Variants in STAT5B observed in about 807,000 individuals in gnomAD.
STAT5B encodes signal transducer and activator of transcription 5B.
Under a neutral mutation model 107.8 loss-of-function variants are expected in STAT5B, and 21 were observed. The ratio of observed to expected loss-of-function variants is 0.19; its 90% CI spans 0.14 to 0.28. STAT5B has a LOEUF of 0.28. Ranked by LOEUF, STAT5B falls within the 10% of genes least tolerant of loss-of-function variation. The pLI, the probability that STAT5B is intolerant of heterozygous loss-of-function variation, is 1.00. For missense variants in STAT5B, 565 were observed against 1,008.2 expected, an observed-to-expected ratio of 0.56 and a Z score of 5.95; for synonymous variants, 325 against 401.7, an observed-to-expected ratio of 0.81 and a Z score of 2.28.
At chr17:42,247,952 TA>T (rs199671071) in intron 1 of STAT5B, among the ~76,000 whole-genome samples, 38,658 of 140,774 alleles carry the variant, frequency 0.27, 5,143 homozygotes, top group South Asian at 0.43. Context: ...ACTCATTCTC[TA>T]AAAAAAAAAA....
At chr17:42,265,377 C>CTTCTTTTTTTTTTTTTTTTTTTTTTT (rs2080659931) in intron 1 of STAT5B, among the ~76,000 whole-genome samples, 6 of 110,592 alleles carry the variant, frequency 5.4e-5, no homozygotes, top group Non-Finnish European at 1.9e-5. Context: ...ATGTACTCTT[C>CTTCTTTTTTTTTTTTTTTTTTTTTTT]TTTTTTTTTT....
intron 1 of STAT5B, among the ~76,000 whole-genome samples, chr17:42,243,654 A>G (rs139900878): frequency 7.2e-4 from 110 of 152,302 alleles, no homozygotes; most frequent in African/African-American, 2.5e-3. Context: ...TCATTGTTCT[A>G]TTCTTTCCAC....
chr17:42,217,358 C>G lies in STAT5B; in HGVS notation c.1257+19G>C, dbSNP rs776666450. The G allele has an allele frequency of 8.1e-6, 13 of 1,614,064 alleles. 1 individual carries two copies. On this transcript the variant is annotated intron_variant, in intron 10 of 18. Transcript: ENST00000293328. ...AAAGACCAGGGAAAAATTCATTCTT[C>G]CTCTTCTTCCACCCTCACCATATTC...
intron 1 of STAT5B, among the ~76,000 whole-genome samples, chr17:42,243,614 G>A (rs2080424057): frequency 6.6e-6 from 1 of 152,088 alleles, no homozygotes; most frequent in Non-Finnish European, 1.5e-5. Flanking sequence ...GTGAACACTG[G>A]CTCAACCTAG....
chr17:42,270,147 TG>T (rs936896535), intron 1 of STAT5B, among the ~76,000 whole-genome samples: 3 of 152,202 alleles, frequency 2.0e-5, no homozygotes, highest in African/African-American at 7.2e-5. Flanking sequence ...AGACGGAGGT[TG>T]CAGTGAGCCA....
intron 1 of STAT5B, among the ~76,000 whole-genome samples, chr17:42,238,040 C>T (rs895662877): frequency 1.3e-5 from 2 of 152,146 alleles, no homozygotes; most frequent in African/African-American, 4.8e-5. Flanking sequence ...CAATCCTCCA[C>T]AAATAGCTCT....
At chr17:42,288,276 C>G in the STAT5B span, 1 of 152,130 alleles carries the variant, frequency 6.6e-6, no homozygotes, top group Admixed American at 6.5e-5. The surrounding 1 kb of genome is among the most constrained non-coding windows in gnomAD (Gnocchi z 4.8). Context: ...TGCTGGGACT[C>G]CCGGGGGACC....
upstream of STAT5B, among the ~76,000 whole-genome samples, chr17:42,281,145 A>C (rs2080794099): frequency 6.6e-6 from 1 of 151,820 alleles, no homozygotes; most frequent in Non-Finnish European, 1.5e-5. Context: ...AAAAAAAAAA[A>C]CAAAAACAAA....
chr17:42,229,857 T>A (rs1289753099), intron 2 of STAT5B, among the ~76,000 whole-genome samples: 2 of 150,634 alleles, frequency 1.3e-5, no homozygotes, highest in African/African-American at 4.9e-5. Context: ...AGAGCGAGAC[T>A]CCATCTCAAA....
At chr17:42,203,986 A>C (rs1156594108) in intron 16 of STAT5B, among the ~76,000 whole-genome samples, 2 of 152,096 alleles carry the variant, frequency 1.3e-5, no homozygotes, top group Non-Finnish European at 2.9e-5. Context: ...GGAAAGGCCT[A>C]GGCACTGGAG....
intron 16 of STAT5B, 56 bp downstream of exon 16, chr17:42,207,502 C>T (rs2080094897): frequency 1.3e-6 from 2 of 1,578,172 alleles, no homozygotes; most frequent in Admixed American, 1.7e-5. Flanking sequence ...CACACACACA[C>T]ACACACACAC....
chr17:42,239,225 C>A (rs1330371087), intron 1 of STAT5B, among the ~76,000 whole-genome samples: 1 of 130,742 alleles, frequency 7.6e-6, no homozygotes, highest in African/African-American at 3.1e-5. Context: ...TCCAAGCTGG[C>A]GACAGAGCAA....
In STAT5B at chr17:42,224,863, C is replaced by G; in HGVS notation, c.291G>C (p.Thr97=). The part of the protein sequence containing the change: ...LGHYATQLQN[T]YDRCPMELVR... The stretch of plus-strand genomic sequence containing the variant: ...CCAGCTCCATGGGGCAGCGGTCATA[C>G]GTGTTCTGAAAGAATCCAACAGCAG... Residue 97 remains threonine, a synonymous_variant, in exon 4 of 19, where the codon ACG becomes ACC. Transcript: ENST00000293328. 1 of 1,613,422 alleles carries G rather than the reference C, an allele frequency of 6.2e-7. No homozygotes were observed. Among genetic ancestry groups the G allele is most frequent in the Non-Finnish European group, 8.5e-7 (1 of 1,179,610 alleles).
At chr17:42,283,537 C>T in the STAT5B span, among the ~76,000 whole-genome samples, 2 of 152,216 alleles carry the variant, frequency 1.3e-5, no homozygotes, top group Admixed American at 6.5e-5. Flanking sequence ...CAGCCCCACA[C>T]CCTTCCCCTC....
At chr17:42,217,916 G>C in intron 9 of STAT5B, 1 of 609,912 alleles carries the variant, frequency 1.6e-6, no homozygotes, top group East Asian at 3.3e-5. Flanking sequence ...ATGTTGGCCA[G>C]GCTGGTCTTG....
intron 9 of STAT5B, chr17:42,217,942 G>T: frequency 1.3e-6 from 1 of 758,044 alleles, no homozygotes; most frequent in African/African-American, 1.8e-5. Flanking sequence ...CTGACCTCAG[G>T]TGATCTGCCC....
chr17:42,222,624 C>A (rs2080239755), intron 5 of STAT5B, among the ~76,000 whole-genome samples: 1 of 152,136 alleles, frequency 6.6e-6, no homozygotes, highest in Non-Finnish European at 1.5e-5. Flanking sequence ...GATCCTCCTG[C>A]CCTGGCCTCC....
Position 42,224,793 on chromosome 17 carries a change from G to A in STAT5B, c.361C>T (p.Arg121Ter), listed in dbSNP as rs2080259377. 6.2e-7 allele frequency: 1 copy of A among 1,613,722 alleles called. No homozygotes were observed. Among genetic ancestry groups the A allele is most frequent in the Non-Finnish European group, 8.5e-7 (1 of 1,179,812 alleles). ...HILYNEQRLV[R>*]EANNGSSPAG... ...GGGACACTCACATTGTTGGCTTCTCGGACCAACCTCTGTTCATTGTACAAT... is the reference window on the plus strand; with the variant it reads ...GGGACACTCACATTGTTGGCTTCTCAGACCAACCTCTGTTCATTGTACAAT... Residue 121 changes from arginine to a stop codon, truncating the protein, a stop_gained, in exon 4 of 19, where the codon CGA becomes TGA. Transcript: ENST00000293328. LOFTEE classifies it high-confidence loss of function.
intron 1 of STAT5B, among the ~76,000 whole-genome samples, chr17:42,258,565 GC>G (rs1180319428): frequency 6.6e-6 from 1 of 152,228 alleles, no homozygotes; most frequent in African/African-American, 2.4e-5. Context: ...TGTAATCCCA[GC>G]TATCTGGGAG....
Sources: allele counts gnomAD v4.1 joint callset (sites outside exome capture counted in the v4.1 genomes callset), GRCh38; gene constraint gnomAD v4.1.1; non-coding constraint Gnocchi (gnomAD v3.1); transcripts MANE v1.5; gene names NCBI Gene and HGNC (gene_info 2026-07-23, HGNC 2026-07-21).